NUMB: variants seen among roughly 807,000 people sequenced by gnomAD.
NUMB encodes the protein NUMB endocytic adaptor protein.
A neutral mutation model predicts 59.7 loss-of-function variants in NUMB; 29 were observed. The observed-to-expected ratio is 0.49, with a 90% confidence interval of 0.36 to 0.66. NUMB has a LOEUF of 0.66. Among genes scored for constraint, NUMB ranks in the 30% least tolerant of loss-of-function variants. NUMB has a pLI of 0.00. For synonymous variants in NUMB, 288 were observed against 288.2 expected, an observed-to-expected ratio of 1.00 and a Z score of 0.01; for missense variants, 723 against 822.0, an observed-to-expected ratio of 0.88 and a Z score of 1.47.
chr14:73,284,394 T>C lies in NUMB; in HGVS notation c.656-20A>G. On this transcript the variant is annotated intron_variant, in intron 9 of 12. Transcript: ENST00000555238. ...TTTCAGCTCAAGAAAATAAAGAGAA[T>C]GAAGACCTTAGCAATGTCTTCAAAT... The C allele has an allele frequency of 6.3e-7, 1 of 1,599,480 alleles. No homozygotes were observed. Among genetic ancestry groups the C allele is most frequent in the Non-Finnish European group, 8.5e-7 (1 of 1,171,198 alleles).
intron 2 of NUMB, among the ~76,000 whole-genome samples, chr14:73,377,835 C>T (rs1302268304): frequency 1.3e-5 from 2 of 151,982 alleles, no homozygotes; most frequent in Non-Finnish European, 2.9e-5. Context: ...GGTGTGTTGG[C>T]GGGTACCTGT....
chr14:73,288,781 C>T (rs552450078), intron 8 of NUMB, among the ~76,000 whole-genome samples: 1 of 151,056 alleles, frequency 6.6e-6, no homozygotes, highest in African/African-American at 2.4e-5. Flanking sequence ...ATCACTTGAA[C>T]CCAGGAGGTG....
intron 2 of NUMB, among the ~76,000 whole-genome samples, chr14:73,374,719 C>CTTTTTTTTTTTTTTTTT (rs368185389): frequency 8.4e-6 from 1 of 119,326 alleles, no homozygotes; most frequent in African/African-American, 3.2e-5. Context: ...GTTACATTAA[C>CTTTTTTTTTTTTTTTTT]TTTTTTTTTT....
chr14:73,347,272 T>C (rs1892965351), intron 4 of NUMB, among the ~76,000 whole-genome samples: 1 of 152,200 alleles, frequency 6.6e-6, no homozygotes, highest in Non-Finnish European at 1.5e-5. Flanking sequence ...TAAACTTTTA[T>C]TCAAAAAATT....
At chr14:73,310,819 C>CT (rs1594891937) in intron 6 of NUMB, among the ~76,000 whole-genome samples, 3 of 152,144 alleles carry the variant, frequency 2.0e-5, no homozygotes, top group African/African-American at 7.2e-5. Context: ...AGAATATTTC[C>CT]TGTCTCTATG....
intron 2 of NUMB, among the ~76,000 whole-genome samples, chr14:73,369,777 A>G (rs1350086759): frequency 1.3e-5 from 2 of 152,246 alleles, no homozygotes; most frequent in Non-Finnish European, 2.9e-5. Context: ...TACAAAGTGT[A>G]GAGCTCAATT....
At chr14:73,362,622 CG>C (rs1894148746) in intron 3 of NUMB, among the ~76,000 whole-genome samples, 1 of 151,778 alleles carries the variant, frequency 6.6e-6, no homozygotes, top group African/African-American at 2.4e-5. Context: ...TTTGTAGAGA[CG>C]GGGTTTTGCC....
chr14:73,416,556 T>C (rs1218572721), intron 1 of NUMB, among the ~76,000 whole-genome samples: 1 of 151,984 alleles, frequency 6.6e-6, no homozygotes, highest in Non-Finnish European at 1.5e-5. Context: ...AATATGTATG[T>C]ATAGGCTGAG....
At chr14:73,409,749 C>T (rs1480597207) in intron 2 of NUMB, 188 bp downstream of exon 2, 1 of 152,142 alleles carries the variant, frequency 6.6e-6, no homozygotes, top group Non-Finnish European at 1.5e-5. Context: ...CATTATAAAA[C>T]ATTTTGACAC....
At chr14:73,332,986 A>G (rs752110439) in intron 4 of NUMB, among the ~76,000 whole-genome samples, 2 of 152,034 alleles carry the variant, frequency 1.3e-5, no homozygotes, top group East Asian at 3.9e-4. Flanking sequence ...ATGTACCACA[A>G]TTTTGTTTAT....
At chr14:73,301,910 A>G (rs6574116) in intron 6 of NUMB, among the ~76,000 whole-genome samples, 36,026 of 151,920 alleles carry the variant, frequency 0.24, 4,326 homozygotes, top group South Asian at 0.26. Context: ...CTGAAACCCC[A>G]TATCTACTAA....
At chr14:73,416,882 C>T (rs759272914) in intron 1 of NUMB, among the ~76,000 whole-genome samples, 24 of 151,742 alleles carry the variant, frequency 1.6e-4, no homozygotes, top group Non-Finnish European at 3.2e-4. Context: ...GTTTTTGTGC[C>T]TAAATGTTGC....
At chr14:73,371,802 C>T (rs1274517789) in intron 2 of NUMB, among the ~76,000 whole-genome samples, 2 of 152,112 alleles carry the variant, frequency 1.3e-5, no homozygotes, top group East Asian at 1.9e-4. Context: ...TCCTCTTCTC[C>T]GGAACAGACA....
chr14:73,367,302 C>T (rs879510308), intron 2 of NUMB, among the ~76,000 whole-genome samples: 335 of 119,020 alleles, frequency 2.8e-3, no homozygotes, highest in African/African-American at 4.5e-3. Flanking sequence ...TATATACACA[C>T]ACACACACAC....
rs202165691 is a variant in NUMB, at chr14:73,292,912, G to A, written c.310-38C>T. ...ACACACAAAGAAAGAGAAGACTTAT[G>A]AGGTTATCTGAGCTTCTCAGAACAC... On this transcript the variant is annotated intron_variant, in intron 7 of 12. Coordinates refer to ENST00000555238, the MANE Select transcript of NUMB (RefSeq NM_001005743.2). 111 of 1,603,990 alleles carry A rather than the reference G, an allele frequency of 6.9e-5. No individual in the cohort carries two copies. In the East Asian group the frequency reaches 2.5e-3, roughly 35 times the overall value.
chr14:73,318,847 AT>A (rs1189802523), intron 5 of NUMB, among the ~76,000 whole-genome samples: 1 of 134,086 alleles, frequency 7.5e-6, no homozygotes, highest in East Asian at 2.0e-4. Context: ...TAGTTATAAT[AT>A]TTTTTTCATT....
intron 1 of NUMB, among the ~76,000 whole-genome samples, chr14:73,453,493 T>C (rs190075375): frequency 3.9e-4 from 59 of 152,276 alleles, no homozygotes; most frequent in African/African-American, 1.4e-3. Context: ...TATTTAATGA[T>C]ATCTTATTTA....
intron 2 of NUMB, among the ~76,000 whole-genome samples, chr14:73,403,372 T>C (rs1896506561): frequency 6.6e-6 from 1 of 152,202 alleles, no homozygotes; most frequent in African/African-American, 2.4e-5. Context: ...TATCAGAAAC[T>C]CCACCACAAT....
At chr14:73,329,656 G>A (rs140906215) in intron 4 of NUMB, among the ~76,000 whole-genome samples, 6 of 152,242 alleles carry the variant, frequency 3.9e-5, no homozygotes, top group Admixed American at 6.5e-5. Flanking sequence ...AGGAGTTTCT[G>A]ACTACTCTCT....
Sources: gnomAD v4.1 joint callset for allele counts (sites outside exome capture counted in the v4.1 genomes callset) on GRCh38, gnomAD v4.1.1 for gene constraint, MANE v1.5 for transcripts, NCBI Gene and HGNC (gene_info 2026-07-23, HGNC 2026-07-21) for gene names.